Variants in CTNNA2 observed in about 807,000 individuals in gnomAD.
CTNNA2 encodes the protein catenin alpha 2.
Under a neutral mutation model 101.0 loss-of-function variants are expected in CTNNA2, and 42 were observed. The ratio of observed to expected loss-of-function variants is 0.42; its 90% confidence interval spans 0.32 to 0.54. The LOEUF (loss-of-function observed/expected upper bound fraction) is 0.54. CTNNA2 is among the 20% of genes least tolerant of loss of function. The pLI is 0.14. For missense variants in CTNNA2, 871 were observed against 1,223.1 expected (o/e 0.71, Z 4.29); for synonymous variants, 450 against 456.4 (o/e 0.99, Z 0.18).
rs113379715 is a variant in CTNNA2 at position 79,882,976 on chromosome 2, C to T, written c.852+8634C>T. On this transcript the variant is annotated intron_variant, in intron 6 of 18. Transcript: ENST00000402739. ...TGCCCCATGTGGCTCTGAGGTGGGC[C>T]GCACCACCCTGCTCTTCCTCTCCGT... Among the ~76,000 whole-genome samples the T allele has an allele frequency of 2.8e-3, 426 of 152,278 alleles. 2 individuals carry two copies. Among genetic ancestry groups the T allele is most frequent in the African/African-American group, 9.9e-3 (411 of 41,574 alleles).
intron 7 of CTNNA2, among the ~76,000 whole-genome samples, chr2:80,108,320 A>T (rs1019861914): frequency 6.6e-6 from 1 of 152,210 alleles, no homozygotes; most frequent in East Asian, 1.9e-4. Flanking sequence ...ATGTAGGTAT[A>T]GGCTAGTGTT....
chr2:80,583,183 A>T (rs912767612), intron 14 of CTNNA2, among the ~76,000 whole-genome samples: 1 of 152,212 alleles, frequency 6.6e-6, no homozygotes, highest in Non-Finnish European at 1.5e-5. Context: ...TAGGATTCTT[A>T]TGAAGATTTA....
intron 7 of CTNNA2, among the ~76,000 whole-genome samples, chr2:80,166,739 G>A (rs1704723494): frequency 6.6e-6 from 1 of 152,116 alleles, no homozygotes; most frequent in Non-Finnish European, 1.5e-5. Context: ...GCAGTCTTGT[G>A]GGAATGAGCC....
chr2:80,125,103 G>T (rs566146906), intron 7 of CTNNA2, among the ~76,000 whole-genome samples: 1 of 152,182 alleles, frequency 6.6e-6, no homozygotes, highest in African/African-American at 2.4e-5. Flanking sequence ...CCAAATCTAG[G>T]TTTTGTCTGA....
chr2:79,285,230 G>A (rs988504284), intron 2 of CTNNA2, among the ~76,000 whole-genome samples: 1 of 149,970 alleles, frequency 6.7e-6, no homozygotes, highest in Non-Finnish European at 1.5e-5. Context: ...ATTTTTTGAA[G>A]GGTTTTTTGT....
intron 2 of CTNNA2, among the ~76,000 whole-genome samples, chr2:79,263,974 T>C (rs1674956887): frequency 6.6e-6 from 1 of 152,178 alleles, no homozygotes; most frequent in South Asian, 2.1e-4. Flanking sequence ...TCAGATTGGA[T>C]AAAAACAAGA....
intron 9 of CTNNA2, among the ~76,000 whole-genome samples, chr2:80,455,786 C>T (rs992074896): frequency 6.6e-6 from 1 of 152,192 alleles, no homozygotes; most frequent in African/African-American, 2.4e-5. Flanking sequence ...GAGTCTCTAC[C>T]AGCAGAATGT....
intron 7 of CTNNA2, among the ~76,000 whole-genome samples, chr2:79,937,285 T>G (rs1418667959): frequency 6.6e-6 from 1 of 152,168 alleles, no homozygotes; most frequent in Non-Finnish European, 1.5e-5. Context: ...CAGCCACATA[T>G]AGCACTTTTA....
At chr2:79,938,170 G>C (rs1414360795) in intron 7 of CTNNA2, among the ~76,000 whole-genome samples, 1 of 152,208 alleles carries the variant, frequency 6.6e-6, no homozygotes, top group African/African-American at 2.4e-5. Flanking sequence ...AGTAAGGGAG[G>C]AGGGGAGAAC....
At chr2:79,922,452 G>A (rs7583764) in intron 7 of CTNNA2, among the ~76,000 whole-genome samples, 52,814 of 151,702 alleles carry the variant, frequency 0.35, 10,004 homozygotes, top group African/African-American at 0.49. Flanking sequence ...TTATGGATGT[G>A]GTAAATGCTG....
chr2:80,278,884 C>T (rs951072385), intron 7 of CTNNA2, among the ~76,000 whole-genome samples: 1 of 151,976 alleles, frequency 6.6e-6, no homozygotes, highest in African/African-American at 2.4e-5. Context: ...AGGAGGATCA[C>T]TTGAACCCAG....
intron 7 of CTNNA2, among the ~76,000 whole-genome samples, chr2:80,091,425 G>T (rs1489634802): frequency 6.6e-6 from 1 of 152,120 alleles, no homozygotes; most frequent in African/African-American, 2.4e-5. Context: ...TGATATGATG[G>T]TTTGTGCCCT....
chr2:80,095,088 C>G (rs1700059302), intron 7 of CTNNA2, among the ~76,000 whole-genome samples: 1 of 152,144 alleles, frequency 6.6e-6, no homozygotes, highest in East Asian at 1.9e-4. Context: ...TGCCAGTTTT[C>G]AAAGGGAATG....
At chr2:79,710,269 G>C (rs563459129) in intron 2 of CTNNA2, among the ~76,000 whole-genome samples, 1 of 151,710 alleles carries the variant, frequency 6.6e-6, no homozygotes. Context: ...ACATCCTTCC[G>C]TAATGTTGCT....
intron 2 of CTNNA2, among the ~76,000 whole-genome samples, chr2:79,659,846 A>G (rs1681894454): frequency 6.6e-6 from 1 of 152,158 alleles, no homozygotes. Context: ...AAGTTTTTAA[A>G]TAAAAGTTAT....
intron 7 of CTNNA2, among the ~76,000 whole-genome samples, chr2:79,955,883 C>T (rs144750444): frequency 3.9e-5 from 6 of 152,208 alleles, no homozygotes; most frequent in Admixed American, 2.6e-4. Context: ...TGCTAGGAGC[C>T]GATGAGTATA....
At chr2:79,196,471 T>G (rs1056777180) in intron 1 of CTNNA2, among the ~76,000 whole-genome samples, 3 of 152,216 alleles carry the variant, frequency 2.0e-5, no homozygotes, top group East Asian at 1.9e-4. Flanking sequence ...AGTTACAACT[T>G]CTGCCTAGTT....
chr2:80,579,281 T>C (rs952170243), intron 13 of CTNNA2: 9 of 152,212 alleles, frequency 5.9e-5, no homozygotes, highest in African/African-American at 2.2e-4. Context: ...GGGTTTGTCA[T>C]TGACTCATCT....
intron 2 of CTNNA2, among the ~76,000 whole-genome samples, chr2:79,288,984 G>A (rs1289861501): frequency 6.6e-6 from 1 of 152,082 alleles, no homozygotes; most frequent in East Asian, 1.9e-4. Flanking sequence ...TTCTACTATA[G>A]GCATTATGTC....
Sources: gnomAD v4.1 joint callset for allele counts (sites outside exome capture counted in the v4.1 genomes callset) on GRCh38, gnomAD v4.1.1 for gene constraint, MANE v1.5 for transcripts, NCBI Gene and HGNC (gene_info 2026-07-23, HGNC 2026-07-21) for gene names.